The following PPP3R1 variants were observed in gnomAD, a reference collection of about 807,000 sequenced individuals.
PPP3R1 encodes the protein protein phosphatase 3 regulatory subunit B, alpha.
A neutral mutation model predicts 22.6 loss-of-function variants in PPP3R1; 5 were observed. The observed-to-expected ratio is 0.22, with a 90% CI of 0.12 to 0.46. The LOEUF (loss-of-function observed/expected upper bound fraction) is 0.46, where lower values mean the gene tolerates loss of function less well. Among genes scored for constraint, PPP3R1 ranks in the 20% least tolerant of loss-of-function variants. The pLI is 0.99. For missense variants in PPP3R1, 61 were observed against 203.2 expected, an observed-to-expected ratio of 0.30 and a Z score of 4.25; for synonymous variants, 56 against 65.2, an observed-to-expected ratio of 0.86 and a Z score of 0.68.
rs750942939 is a variant in PPP3R1, at chr2:68,186,602, C to T, written c.331G>A (p.Glu111Lys). ...ATCATCTTCAATACCTGGAAGAGTT[C>T]CCCATTGGAAATATAGCCATCTTTA... ...MDKDGYISNG[E>K]LFQVLKMMVG... Residue 111 changes from glutamate to lysine, a missense_variant, in exon 5 of 6, where the codon GAA (glutamate) becomes AAA (lysine). Physicochemically the swap from Glu to Lys is moderately conservative, Grantham distance 56. Coordinates refer to ENST00000234310, the MANE Select transcript of PPP3R1 (RefSeq NM_000945.4). The T allele has an allele frequency of 1.2e-6, 2 of 1,612,944 alleles. No homozygotes were observed. Among genetic ancestry groups the T allele is most frequent in the Non-Finnish European group, 1.7e-6 (2 of 1,179,238 alleles).
intron 1 of PPP3R1, among the ~76,000 whole-genome samples, chr2:68,234,144 C>T (rs1434487068): frequency 6.6e-6 from 1 of 152,044 alleles, no homozygotes; most frequent in Non-Finnish European, 1.5e-5. Flanking sequence ...GAGATCAAGA[C>T]CATCCTGGCT....
chr2:68,239,033 C>T (rs1416753983), intron 1 of PPP3R1, among the ~76,000 whole-genome samples: 3 of 152,026 alleles, frequency 2.0e-5, no homozygotes, highest in Non-Finnish European at 2.9e-5. Context: ...TTTAAAGGTA[C>T]AGACGAAAGT....
At chr2:68,229,967 C>T (rs1016348404) in intron 1 of PPP3R1, among the ~76,000 whole-genome samples, 17 of 66,958 alleles carry the variant, frequency 2.5e-4, no homozygotes, top group Non-Finnish European at 3.6e-4. Context: ...TGTATATATA[C>T]ACACATACAC....
At chr2:68,183,866 G>T (rs1346747435) in intron 5 of PPP3R1, among the ~76,000 whole-genome samples, 1 of 152,144 alleles carries the variant, frequency 6.6e-6, no homozygotes, top group African/African-American at 2.4e-5. Context: ...TGATGGGGCT[G>T]TTAAGTGAGA....
intron 1 of PPP3R1, among the ~76,000 whole-genome samples, chr2:68,248,144 A>G (rs181709509): frequency 2.0e-4 from 31 of 152,288 alleles, no homozygotes; most frequent in Admixed American, 1.6e-3. Context: ...GATGGCTTGT[A>G]TATCTCATGC....
intron 4 of PPP3R1, 42 bp from the exon 5 acceptor site, chr2:68,186,694 T>TCACA: frequency 6.7e-7 from 1 of 1,497,284 alleles, no homozygotes; most frequent in South Asian, 1.2e-5. Context: ...TACAAAGCAA[T>TCACA]CACAAGTAAA....
chr2:68,247,521 T>G (rs775841189), intron 1 of PPP3R1, among the ~76,000 whole-genome samples: 2 of 152,188 alleles, frequency 1.3e-5, no homozygotes, highest in Non-Finnish European at 2.9e-5. Context: ...CAGCACTCTA[T>G]CCTATTGAAA....
chr2:68,186,934 A>C (rs1443647400), intron 4 of PPP3R1, among the ~76,000 whole-genome samples: 1 of 152,186 alleles, frequency 6.6e-6, no homozygotes, highest in Admixed American at 6.5e-5. Context: ...AACAACTCCA[A>C]CCTCTCCGGT....
intron 5 of PPP3R1, among the ~76,000 whole-genome samples, chr2:68,182,080 TCCC>T (rs869089694): frequency 2.9e-4 from 11 of 37,430 alleles, no homozygotes; most frequent in Middle Eastern, 0.031. Context: ...AACCCCCCCC[TCCC>T]CCCACCACAC....
intron 1 of PPP3R1, among the ~76,000 whole-genome samples, chr2:68,232,544 G>A (rs904656628): frequency 2.0e-5 from 3 of 151,912 alleles, no homozygotes; most frequent in African/African-American, 7.3e-5. Flanking sequence ...TACAGCAACA[G>A]AACCAGTAGA....
chr2:68,231,089 T>C (rs1029015463), intron 1 of PPP3R1, among the ~76,000 whole-genome samples: 2 of 152,194 alleles, frequency 1.3e-5, no homozygotes, highest in African/African-American at 2.4e-5. Flanking sequence ...GCCCTCTCTC[T>C]TCCTCTCCTT....
intron 2 of PPP3R1, among the ~76,000 whole-genome samples, chr2:68,214,398 T>C (rs1669537698): frequency 6.6e-6 from 1 of 152,086 alleles, no homozygotes; most frequent in African/African-American, 2.4e-5. Flanking sequence ...ATCAAAGGTC[T>C]AACATCCAGA....
At chr2:68,234,043 A>T (rs1465795051) in intron 1 of PPP3R1, among the ~76,000 whole-genome samples, 3 of 152,156 alleles carry the variant, frequency 2.0e-5, no homozygotes, top group African/African-American at 7.2e-5. Context: ...GGGTAAACAG[A>T]GGTTATAAAG....
intron 1 of PPP3R1, among the ~76,000 whole-genome samples, chr2:68,236,100 G>A (rs948720838): frequency 6.6e-6 from 1 of 151,984 alleles, no homozygotes; most frequent in Admixed American, 6.6e-5. Context: ...ATCAGATAAC[G>A]ATTTTGAGAA....
At chr2:68,247,020 A>G (rs1447163562) in intron 1 of PPP3R1, among the ~76,000 whole-genome samples, 2 of 151,852 alleles carry the variant, frequency 1.3e-5, no homozygotes, top group Non-Finnish European at 2.9e-5. Flanking sequence ...CAGTCACACA[A>G]TCTTGGCTCA....
chr2:68,228,487 C>G (rs1056000363), intron 1 of PPP3R1, among the ~76,000 whole-genome samples: 3 of 152,006 alleles, frequency 2.0e-5, no homozygotes, highest in Non-Finnish European at 4.4e-5. Context: ...TCATAGTAAC[C>G]CCTTATCTTT....
intron 1 of PPP3R1, among the ~76,000 whole-genome samples, chr2:68,235,047 CT>C (rs1178010087): frequency 2.0e-5 from 3 of 152,070 alleles, no homozygotes; most frequent in Admixed American, 6.5e-5. Flanking sequence ...GAGACAAGTA[CT>C]TAAATTTTGA....
chr2:68,199,105 A>G (rs1460672357), intron 2 of PPP3R1, among the ~76,000 whole-genome samples: 1 of 152,170 alleles, frequency 6.6e-6, no homozygotes, highest in Admixed American at 6.5e-5. Flanking sequence ...CTAAGAATAC[A>G]GGCAAGTGCC....
chr2:68,236,188 A>AT (rs1314521283), intron 1 of PPP3R1, among the ~76,000 whole-genome samples: 4 of 152,046 alleles, frequency 2.6e-5, no homozygotes, highest in African/African-American at 7.2e-5. Flanking sequence ...TATACAATTT[A>AT]CCTTTTTTTT....
Sources: allele counts gnomAD v4.1 joint callset (sites outside exome capture counted in the v4.1 genomes callset), GRCh38; gene constraint gnomAD v4.1.1; transcripts MANE v1.5; gene names NCBI Gene and HGNC (gene_info 2026-07-23, HGNC 2026-07-21).